Variants in KCNH1 observed in about 807,000 individuals in gnomAD.
KCNH1 encodes potassium voltage-gated channel subfamily H member 1.
KCNH1 carries 27 observed loss-of-function variants against 69.2 expected under a neutral mutation model. That is an observed-to-expected ratio of 0.39 (90% CI 0.29 to 0.54). The LOEUF (loss-of-function observed/expected upper bound fraction) is 0.54. Among genes scored for constraint, KCNH1 ranks in the 20% least tolerant of loss-of-function variants. KCNH1 has a pLI of 0.68. For missense variants in KCNH1, 798 were observed against 1,261.6 expected (o/e 0.63, Z 5.57); for synonymous variants, 456 against 487.7 (o/e 0.93, Z 0.86).
At chr1:210,796,663 G>A (rs960658529) in intron 9 of KCNH1, among the ~76,000 whole-genome samples, 1 of 151,888 alleles carries the variant, frequency 6.6e-6, no homozygotes, top group Non-Finnish European at 1.5e-5. Context: ...CTCCTTCCCC[G>A]CCACAGCAAA....
chr1:210,751,121 T>C (rs1435841385), intron 10 of KCNH1, among the ~76,000 whole-genome samples: 1 of 151,998 alleles, frequency 6.6e-6, no homozygotes, highest in Non-Finnish European at 1.5e-5. Context: ...GAGAGGAGAG[T>C]TATGTCTGGG....
intron 10 of KCNH1, among the ~76,000 whole-genome samples, chr1:210,772,823 G>T (rs1045366721): frequency 6.6e-6 from 1 of 151,824 alleles, no homozygotes; most frequent in Admixed American, 6.6e-5. Flanking sequence ...CTATAATTTT[G>T]GTTCTTCCTC....
chr1:211,117,134 G>A (rs1691597274), intron 1 of KCNH1, among the ~76,000 whole-genome samples: 1 of 152,194 alleles, frequency 6.6e-6, no homozygotes, highest in South Asian at 2.1e-4. Context: ...GCCACTTTTA[G>A]AACACTGCTG....
intron 10 of KCNH1, among the ~76,000 whole-genome samples, chr1:210,752,239 C>T (rs1378588685): frequency 6.6e-6 from 1 of 152,190 alleles, no homozygotes; most frequent in East Asian, 1.9e-4. Flanking sequence ...GAGATCAGAG[C>T]TTGAAAGTCA....
At chr1:210,974,910 C>T (rs182626778) in intron 6 of KCNH1, among the ~76,000 whole-genome samples, 1 of 152,122 alleles carries the variant, frequency 6.6e-6, no homozygotes, top group Admixed American at 6.6e-5. Flanking sequence ...CATATCACAT[C>T]TATAGATGTT....
At chr1:210,911,370 T>C (rs1687227970) in intron 7 of KCNH1, among the ~76,000 whole-genome samples, 1 of 152,132 alleles carries the variant, frequency 6.6e-6, no homozygotes, top group Admixed American at 6.6e-5. Context: ...CTCCAATAAA[T>C]ATAGAAGGTC....
chr1:210,731,675 T>G (rs1682751320), intron 10 of KCNH1, among the ~76,000 whole-genome samples: 1 of 152,158 alleles, frequency 6.6e-6, no homozygotes, highest in Non-Finnish European at 1.5e-5. Flanking sequence ...AATTACCTCT[T>G]TAAAAACACA....
chr1:210,759,410 A>G (rs963975235), intron 10 of KCNH1, among the ~76,000 whole-genome samples: 1 of 152,146 alleles, frequency 6.6e-6, no homozygotes, highest in Admixed American at 6.5e-5. Flanking sequence ...GAATTCCAAT[A>G]CAAAGAAGCC....
In KCNH1 at chr1:210,743,369, T is replaced by C. The variant is rs1034771538; in HGVS notation, c.2112+31979A>G. On this transcript the variant is annotated intron_variant, in intron 10 of 10. Transcript: ENST00000271751. ...GGCGAGGCAGCCTCACAGAAAGCCT[T>C]TGGAATCAGATCTCTAGTAGGCTCT... Among the ~76,000 whole-genome samples, 10 of 152,098 alleles carry C rather than the reference T, an allele frequency of 6.6e-5. No individual in the cohort carries two copies. The East Asian group carries it at 1.7e-3, about 26-fold the overall frequency.
At chr1:210,760,023 G>A (rs1232965386) in intron 10 of KCNH1, among the ~76,000 whole-genome samples, 1 of 152,134 alleles carries the variant, frequency 6.6e-6, no homozygotes, top group Non-Finnish European at 1.5e-5. Flanking sequence ...ACCCTATTGT[G>A]AGCTGTGCAC....
At chr1:210,824,970 A>T (rs1202938367) in intron 7 of KCNH1, among the ~76,000 whole-genome samples, 1 of 152,214 alleles carries the variant, frequency 6.6e-6, no homozygotes, top group African/African-American at 2.4e-5. Flanking sequence ...TAAAATCACC[A>T]ATCTTATAAA....
intron 10 of KCNH1, among the ~76,000 whole-genome samples, chr1:210,724,336 C>A (rs576824907): frequency 1.6e-4 from 24 of 152,042 alleles, no homozygotes; most frequent in Non-Finnish European, 2.8e-4. Context: ...CAATGTGCAG[C>A]CAAGGCTGGA....
intron 6 of KCNH1, among the ~76,000 whole-genome samples, chr1:210,973,823 T>C (rs562013886): frequency 2.4e-4 from 37 of 152,322 alleles, no homozygotes; most frequent in African/African-American, 8.9e-4. Flanking sequence ...ATAGATTGTT[T>C]ACAGTGTTAC....
At chr1:210,997,461 A>C (rs930877909) in intron 6 of KCNH1, among the ~76,000 whole-genome samples, 1 of 152,208 alleles carries the variant, frequency 6.6e-6, no homozygotes, top group Admixed American at 6.5e-5. Flanking sequence ...AAGTTTAGAG[A>C]AAAAAGAATA....
chr1:210,926,306 G>A (rs748390645), intron 6 of KCNH1, among the ~76,000 whole-genome samples: 5 of 151,860 alleles, frequency 3.3e-5, no homozygotes, highest in Non-Finnish European at 7.4e-5. Flanking sequence ...GACCTTCCGA[G>A]TCCACTCCAC....
chr1:211,114,950 T>C (rs911254819), intron 1 of KCNH1, among the ~76,000 whole-genome samples: 21 of 151,836 alleles, frequency 1.4e-4, no homozygotes, highest in African/African-American at 4.6e-4. Flanking sequence ...TGGGAGTTGG[T>C]TTTTTGTTTG....
intron 10 of KCNH1, among the ~76,000 whole-genome samples, chr1:210,765,076 G>A (rs1297778850): frequency 2.0e-5 from 3 of 152,128 alleles, no homozygotes; most frequent in Non-Finnish European, 4.4e-5. Context: ...GCAGCTGAAG[G>A]CCATTATCCT....
intron 5 of KCNH1, among the ~76,000 whole-genome samples, chr1:211,070,279 G>T (rs1199861171): frequency 6.6e-6 from 1 of 151,584 alleles, no homozygotes; most frequent in Admixed American, 6.6e-5. Flanking sequence ...TAAGCCGGGC[G>T]TAGTGGTGAG....
intron 6 of KCNH1, among the ~76,000 whole-genome samples, chr1:210,933,926 C>T (rs1164260323): frequency 1.3e-5 from 2 of 152,128 alleles, no homozygotes; most frequent in Non-Finnish European, 2.9e-5. Flanking sequence ...CAAGGACATA[C>T]ATTGGGGAAA....
Sources: allele counts gnomAD v4.1 joint callset (sites outside exome capture counted in the v4.1 genomes callset), GRCh38; gene constraint gnomAD v4.1.1; transcripts MANE v1.5; gene names NCBI Gene and HGNC (gene_info 2026-07-23, HGNC 2026-07-21).